Variants in TRRAP observed in about 807,000 individuals in gnomAD.
TRRAP encodes the protein transformation/transcription domain-associated protein.
In TRRAP, 41 loss-of-function variants were observed where a neutral mutation model predicts 438.8. The observed-to-expected ratio is 0.09, with a 90% CI of 0.07 to 0.12. The LOEUF (loss-of-function observed/expected upper bound fraction) is 0.12, where lower values mean the gene tolerates loss of function less well. Ranked by LOEUF, TRRAP falls within the 10% of genes least tolerant of loss-of-function variation. The pLI, the probability that TRRAP is intolerant of heterozygous loss-of-function variation, is 1.00. For synonymous variants in TRRAP, 1,994 were observed against 1,962.9 expected (o/e 1.02, Z -0.42); for missense variants, 3,122 against 5,055.1 (o/e 0.62, Z 11.60).
intron 10 of TRRAP, 101 bp from the exon 11 acceptor site, chr7:98,900,523 T>G (rs2083673282): frequency 6.3e-6 from 6 of 950,878 alleles, no homozygotes; most frequent in Non-Finnish European, 9.5e-6. Flanking sequence ...TGGGTCTGTG[T>G]GGAAATCAAT....
At chr7:98,988,035 G>T (rs1316631678) in intron 62 of TRRAP, among the ~76,000 whole-genome samples, 1 of 151,994 alleles carries the variant, frequency 6.6e-6, no homozygotes. Flanking sequence ...CTTATTGCTG[G>T]GATAAATCCC....
At chr7:98,891,768 G>T (rs1554404955) in intron 4 of TRRAP, among the ~76,000 whole-genome samples, 1 of 149,286 alleles carries the variant, frequency 6.7e-6, no homozygotes, top group East Asian at 2.0e-4. Flanking sequence ...TCGATCTCCT[G>T]ACCTCGTGAT....
intron 19 of TRRAP, 122 bp downstream of exon 19, chr7:98,916,010 T>A: frequency 7.5e-7 from 1 of 1,334,268 alleles, no homozygotes; most frequent in South Asian, 1.4e-5. Context: ...TGGGATGGGA[T>A]GTGGCACATC....
Position 99,011,273 on chromosome 7 carries a change from G to C in TRRAP, c.11142+18G>C, listed in dbSNP as rs1293596614. ...TCGCTCAGGTAACCTGCTTTGAACA[G>C]CCAGATCCTCTCCTCGTGACATCGC... On this transcript the variant is annotated intron_variant, in intron 71 of 72. Transcript: ENST00000456197. This position sits in a 1 kb window ranked among gnomAD's most constrained non-coding sequence, Gnocchi z 7.1. 6.2e-7 allele frequency: 1 copy of C among 1,613,500 alleles called. No homozygotes were observed. The highest frequency in any genetic ancestry group is 8.5e-7 in the Non-Finnish European group (1 of 1,179,514).
intron 58 of TRRAP, among the ~76,000 whole-genome samples, chr7:98,980,258 C>G (rs1183226871): frequency 1.3e-5 from 2 of 152,158 alleles, no homozygotes; most frequent in Non-Finnish European, 2.9e-5. Flanking sequence ...GGGACAGATA[C>G]CATCATGGCA....
At chr7:98,999,042 T>G in intron 67 of TRRAP, 5 of 838,116 alleles carry the variant, frequency 6.0e-6, no homozygotes, top group South Asian at 1.7e-5. Context: ...CCAAGGTGGA[T>G]GGGAGGAGAA....
intron 3 of TRRAP, among the ~76,000 whole-genome samples, chr7:98,883,921 C>T (rs1795577653): frequency 6.6e-6 from 1 of 152,176 alleles, no homozygotes; most frequent in Admixed American, 6.5e-5. Flanking sequence ...TCGTAGTAGG[C>T]AGTTCAGTTA....
chr7:98,943,502 T>C (rs1329667421), intron 31 of TRRAP, among the ~76,000 whole-genome samples: 1 of 152,204 alleles, frequency 6.6e-6, no homozygotes, highest in Non-Finnish European at 1.5e-5. Flanking sequence ...AGGAATCCCA[T>C]AAATACTGGC....
At chr7:99,008,333 G>T (rs777906982) in intron 69 of TRRAP, 44 bp from the exon 70 acceptor site, 9 of 1,589,234 alleles carry the variant, frequency 5.7e-6, no homozygotes, top group Non-Finnish European at 7.7e-6. Flanking sequence ...GCACTGGCCC[G>T]CGGTCACCCT....
chr7:98,906,832 C>T (rs1319456691), intron 13 of TRRAP, among the ~76,000 whole-genome samples: 1 of 152,004 alleles, frequency 6.6e-6, no homozygotes, highest in East Asian at 1.9e-4. Context: ...TTAGGTAAAA[C>T]TTTATCTGAC....
chr7:98,934,248 C>G (rs1554413732), intron 27 of TRRAP, among the ~76,000 whole-genome samples: 1 of 152,232 alleles, frequency 6.6e-6, no homozygotes, highest in African/African-American at 2.4e-5. Flanking sequence ...GAGGCATTGT[C>G]AGAGTATACC....
intron 3 of TRRAP, among the ~76,000 whole-genome samples, chr7:98,888,542 A>T (rs1418082063): frequency 6.6e-6 from 1 of 152,220 alleles, no homozygotes; most frequent in Non-Finnish European, 1.5e-5. Flanking sequence ...GTCTCAAAAA[A>T]AACTTAAAAG....
At position 98,908,198 on chromosome 7, in the gene TRRAP, A is replaced by C. The variant is rs1417049238; in HGVS notation, c.1116-530A>C. ...ACTAACTTGTGTAGCTTATTTCTTT[A>C]CTTGTGTGTTCTCTGCTGTAAGTAA... On this transcript the variant is annotated intron_variant, in intron 13 of 72. Transcript: ENST00000456197. The surrounding 1 kb of genome is among the most constrained non-coding windows in gnomAD (Gnocchi z 4.1). 6.6e-6 allele frequency among the ~76,000 whole-genome samples: 1 copy of C among 152,072 alleles called. No homozygotes were observed. Among genetic ancestry groups the C allele is most frequent in the African/African-American group, 2.4e-5 (1 of 41,420 alleles).
At chr7:99,003,512 C>A (rs985962680) in intron 67 of TRRAP, among the ~76,000 whole-genome samples, 5 of 152,062 alleles carry the variant, frequency 3.3e-5, no homozygotes, top group African/African-American at 1.2e-4. Flanking sequence ...GACACGGGCT[C>A]CTGGTTGTTG....
At chr7:98,915,215 C>T (rs1189927452) in intron 18 of TRRAP, among the ~76,000 whole-genome samples, 1 of 151,246 alleles carries the variant, frequency 6.6e-6, no homozygotes, top group African/African-American at 2.4e-5. Flanking sequence ...TTTTTGAGAC[C>T]GAATTTCACT....
intron 3 of TRRAP, among the ~76,000 whole-genome samples, chr7:98,884,326 CA>C (rs1795594845): frequency 6.6e-6 from 1 of 152,162 alleles, no homozygotes; most frequent in Admixed American, 6.5e-5. Flanking sequence ...CAGCTCACTG[CA>C]GTCTCAACTT....
rs907253062 is a variant in TRRAP at position 98,950,349 on chromosome 7, G to A, written c.5334+87G>A. Reference sequence around the variant, plus strand: ...TTGGGCCCTTTTCTTTTTTTGCTGTGTCACTCTTGAATAAATAGTAGAGTG... The same window carrying A: ...TTGGGCCCTTTTCTTTTTTTGCTGTATCACTCTTGAATAAATAGTAGAGTG... On this transcript the variant is annotated intron_variant, in intron 38 of 72. Transcript: ENST00000456197. 1.1e-4 allele frequency: 169 copies of A among 1,473,136 alleles called. No homozygotes were observed. The African/African-American group carries it at 2.2e-3, about 20-fold the overall frequency. The allele number at this position is 1,473,136 out of a possible 1,614,324, so 91.3% of individuals were successfully genotyped here.
chr7:98,944,281 T>TA (rs140418274), intron 31 of TRRAP, among the ~76,000 whole-genome samples: 6,248 of 151,416 alleles, frequency 0.041, 148 homozygotes, highest in South Asian at 0.056. Context: ...AATAAACATT[T>TA]AAAAAAAAAC....
intron 67 of TRRAP, among the ~76,000 whole-genome samples, chr7:99,003,198 G>T (rs553577382): frequency 1.3e-5 from 2 of 152,192 alleles, no homozygotes; most frequent in Non-Finnish European, 2.9e-5. Flanking sequence ...CAGCACTGGC[G>T]CTCGTCTGGG....
Sources: gnomAD v4.1 joint callset for allele counts (sites outside exome capture counted in the v4.1 genomes callset) on GRCh38, gnomAD v4.1.1 for gene constraint, Gnocchi (gnomAD v3.1) non-coding constraint, MANE v1.5 for transcripts, NCBI Gene and HGNC (gene_info 2026-07-23, HGNC 2026-07-21) for gene names.